Variants in SOX6 observed in about 807,000 individuals in gnomAD.
SOX6 encodes the protein SRY-box transcription factor 6, also known as transcription factor SOX-6.
In SOX6, 11 loss-of-function variants were observed where a neutral mutation model predicts 97.8. The ratio of observed to expected loss-of-function variants is 0.11; its 90% CI spans 0.07 to 0.19. The LOEUF is 0.19. Ranked by LOEUF, SOX6 falls within the 10% of genes least tolerant of loss-of-function variation. SOX6 has a pLI of 1.00. For missense variants in SOX6, 810 were observed against 1,039.5 expected (o/e 0.78, Z 3.04); for synonymous variants, 360 against 371.4 (o/e 0.97, Z 0.35).
chr11:16,648,861 T>C (rs1035332841), intron 3 of SOX6, among the ~76,000 whole-genome samples: 4 of 152,112 alleles, frequency 2.6e-5, no homozygotes, highest in Admixed American at 2.6e-4. Flanking sequence ...TTAAAAATTA[T>C]ATTTAAAAAA....
chr11:16,206,765 T>C (rs561770183), intron 4 of SOX6, among the ~76,000 whole-genome samples: 1 of 152,284 alleles, frequency 6.6e-6, no homozygotes, highest in Non-Finnish European at 1.5e-5. Context: ...TATAGAAATA[T>C]TATGATTTAT....
chr11:16,432,256 C>T (rs1859285781), intron 1 of SOX6, among the ~76,000 whole-genome samples: 1 of 152,156 alleles, frequency 6.6e-6, no homozygotes, highest in African/African-American at 2.4e-5. Context: ...GAAGTAGGAA[C>T]AATGAAAAGA....
intron 9 of SOX6, among the ~76,000 whole-genome samples, chr11:16,081,769 A>G (rs1848477016): frequency 6.6e-6 from 1 of 152,228 alleles, no homozygotes. Context: ...CTAGTTAATC[A>G]AAGATTTCCA....
upstream of SOX6, among the ~76,000 whole-genome samples, chr11:16,481,338 A>G (rs1860341837): frequency 6.6e-6 from 1 of 152,140 alleles, no homozygotes; most frequent in African/African-American, 2.4e-5. Flanking sequence ...GCAGTTGTTA[A>G]TAATTTAAAA....
At chr11:16,663,350 G>A (rs1847780501) in intron 3 of SOX6, among the ~76,000 whole-genome samples, 2 of 151,926 alleles carry the variant, frequency 1.3e-5, no homozygotes, top group South Asian at 4.2e-4. Context: ...TTGAGACAGG[G>A]TGTCACTTTG....
intron 6 of SOX6, among the ~76,000 whole-genome samples, chr11:16,158,560 T>C (rs1183608782): frequency 6.6e-6 from 1 of 151,988 alleles, no homozygotes; most frequent in East Asian, 1.9e-4. Context: ...ACTAAATGTG[T>C]ATGCACATGA....
At chr11:16,445,531 ATTTACCTAT>A (rs1199129799) in intron 1 of SOX6, among the ~76,000 whole-genome samples, 3 of 152,120 alleles carry the variant, frequency 2.0e-5, no homozygotes, top group African/African-American at 7.2e-5. Context: ...AATATATCTC[ATTTACCTAT>A]TACTGATCAT....
At chr11:16,305,141 C>T (rs1255064424) in intron 3 of SOX6, among the ~76,000 whole-genome samples, 15 of 151,992 alleles carry the variant, frequency 9.9e-5, no homozygotes, top group East Asian at 3.9e-4. Flanking sequence ...AGCTAAAGAC[C>T]GGGAGAAAAT....
At chr11:16,086,768 C>T (rs932881200) in intron 9 of SOX6, among the ~76,000 whole-genome samples, 2 of 152,160 alleles carry the variant, frequency 1.3e-5, no homozygotes, top group African/African-American at 4.8e-5. Flanking sequence ...CAGTTTTTAT[C>T]ACAGTAGTTC....
chr11:16,339,293 G>A (rs867126345), intron 2 of SOX6, among the ~76,000 whole-genome samples: 1 of 151,888 alleles, frequency 6.6e-6, no homozygotes, highest in Non-Finnish European at 1.5e-5. Context: ...TATCTCCAAG[G>A]TCCTGTTTGA....
At chr11:16,191,749 A>G (rs972074722) in intron 4 of SOX6, among the ~76,000 whole-genome samples, 3 of 152,216 alleles carry the variant, frequency 2.0e-5, no homozygotes, top group African/African-American at 7.2e-5. Context: ...TCTACAAGTC[A>G]GCATGCCTTT....
chr11:16,262,638 G>A (rs1853938920), intron 3 of SOX6, among the ~76,000 whole-genome samples: 1 of 151,982 alleles, frequency 6.6e-6, no homozygotes, highest in African/African-American at 2.4e-5. Context: ...GAGTGCATTT[G>A]CCAGATAACA....
At chr11:16,737,834 G>A (rs899923835) in intron 1 of SOX6, among the ~76,000 whole-genome samples, 4 of 152,162 alleles carry the variant, frequency 2.6e-5, no homozygotes, top group Admixed American at 2.0e-4. Context: ...TGTACTAAGT[G>A]ACAGTGGATT....
At chr11:16,636,337 C>G (rs1848789308) in intron 3 of SOX6, among the ~76,000 whole-genome samples, 1 of 152,206 alleles carries the variant, frequency 6.6e-6, no homozygotes, top group Non-Finnish European at 1.5e-5. Flanking sequence ...CACCGGATTT[C>G]AGACTTGCAT....
At chr11:16,131,010 T>C (rs1041959831) in intron 6 of SOX6, among the ~76,000 whole-genome samples, 3 of 151,744 alleles carry the variant, frequency 2.0e-5, no homozygotes, top group South Asian at 2.1e-4. Context: ...GAAAAACGTC[T>C]AGAAGAAAAC....
intron 3 of SOX6, among the ~76,000 whole-genome samples, chr11:16,664,009 C>T (rs934529276): frequency 6.6e-6 from 1 of 152,062 alleles, no homozygotes; most frequent in Non-Finnish European, 1.5e-5. Context: ...GGTGTGATGA[C>T]TCATGCCTTT....
chr11:16,178,296 A>T (rs1851252956), intron 6 of SOX6, among the ~76,000 whole-genome samples: 1 of 151,966 alleles, frequency 6.6e-6, no homozygotes, highest in African/African-American at 2.4e-5. Context: ...AGCTTTACCT[A>T]TTCTTTATAA....
At chr11:16,198,949 C>T (rs541902291) in intron 4 of SOX6, among the ~76,000 whole-genome samples, 1 of 152,266 alleles carries the variant, frequency 6.6e-6, no homozygotes, top group African/African-American at 2.4e-5. Context: ...ATACTTCCTA[C>T]GTGTCAGCTC....
chr11:16,428,936 T>C (rs991207159), intron 1 of SOX6, among the ~76,000 whole-genome samples: 12 of 152,316 alleles, frequency 7.9e-5, no homozygotes, highest in African/African-American at 2.6e-4. Context: ...ATTTTCACGA[T>C]ATTAATTCTT....
Sources: gnomAD v4.1 joint callset for allele counts (sites outside exome capture counted in the v4.1 genomes callset) on GRCh38, gnomAD v4.1.1 for gene constraint, MANE v1.5 for transcripts, NCBI Gene and HGNC (gene_info 2026-07-23, HGNC 2026-07-21) for gene names.